Variants in SEMA6D observed in about 807,000 individuals in gnomAD.
SEMA6D encodes the protein semaphorin 6D.
SEMA6D carries 35 observed loss-of-function variants against 106.6 expected under a neutral mutation model. The ratio of observed to expected loss-of-function variants is 0.33; its 90% confidence interval spans 0.25 to 0.44. SEMA6D has a LOEUF of 0.44. Among genes scored for constraint, SEMA6D ranks in the 20% least tolerant of loss-of-function variants. SEMA6D has a pLI of 1.00. For missense variants in SEMA6D, 1,185 were observed against 1,345.9 expected (o/e 0.88, Z 1.87); for synonymous variants, 499 against 487.7 (o/e 1.02, Z -0.31).
At chr15:47,324,401 C>T (rs1306157200) in intron 1 of SEMA6D, among the ~76,000 whole-genome samples, 6 of 151,906 alleles carry the variant, frequency 3.9e-5, no homozygotes, top group Admixed American at 3.9e-4. Context: ...TTTAAGATGC[C>T]ATGTCAGAAA....
At chr15:47,552,853 A>AAT (rs1270860513) in intron 3 of SEMA6D, among the ~76,000 whole-genome samples, 9 of 66,890 alleles carry the variant, frequency 1.3e-4, no homozygotes, top group Admixed American at 2.3e-4. Context: ...AATATATATA[A>AAT]ATATATATAT....
intron 1 of SEMA6D, among the ~76,000 whole-genome samples, chr15:47,203,834 A>G (rs917267598): frequency 4.6e-5 from 7 of 152,258 alleles, no homozygotes; most frequent in African/African-American, 1.4e-4. Context: ...GAAAATCCAC[A>G]CATTCCTATT....
chr15:47,606,249 A>G (rs1260894456), intron 4 of SEMA6D: 1 of 152,204 alleles, frequency 6.6e-6, no homozygotes. Context: ...CTTGGAGACC[A>G]GTCCTTACAT....
intron 3 of SEMA6D, among the ~76,000 whole-genome samples, chr15:47,566,973 G>C (rs1343413315): frequency 6.6e-6 from 1 of 152,206 alleles, no homozygotes; most frequent in Non-Finnish European, 1.5e-5. Context: ...CTTTGGACAA[G>C]GCATGAAAAT....
At chr15:47,293,040 A>G (rs2035655857) in intron 1 of SEMA6D, among the ~76,000 whole-genome samples, 3 of 152,196 alleles carry the variant, frequency 2.0e-5, no homozygotes, top group African/African-American at 7.2e-5. Context: ...TACTGAATCC[A>G]ATATTGGAGT....
At chr15:47,739,555 T>C (rs1483654249) in intron 1 of SEMA6D, among the ~76,000 whole-genome samples, 1 of 152,212 alleles carries the variant, frequency 6.6e-6, no homozygotes, top group African/African-American at 2.4e-5. Flanking sequence ...TCAAGAAGAA[T>C]AATGACATTA....
At chr15:47,745,075 T>G (rs2081050685) in intron 1 of SEMA6D, among the ~76,000 whole-genome samples, 1 of 152,184 alleles carries the variant, frequency 6.6e-6, no homozygotes, top group Non-Finnish European at 1.5e-5. Context: ...TGGGATAAGA[T>G]TAACATCCCC....
chr15:47,704,035 A>G (rs74966450), intron 4 of SEMA6D, among the ~76,000 whole-genome samples: 4,000 of 152,328 alleles, frequency 0.026, 150 homozygotes, highest in African/African-American at 0.092. Context: ...ACACATACAT[A>G]TGCGCTCATA....
chr15:47,569,175 C>T (rs75285729), intron 3 of SEMA6D, among the ~76,000 whole-genome samples: 2,813 of 152,228 alleles, frequency 0.018, 94 homozygotes, highest in African/African-American at 0.065. Context: ...TACCTTTTCA[C>T]CTGTTACATT....
At chr15:47,418,427 G>A (rs750988041) in intron 2 of SEMA6D, among the ~76,000 whole-genome samples, 8 of 152,046 alleles carry the variant, frequency 5.3e-5, no homozygotes, top group Admixed American at 2.0e-4. Context: ...CAAGATCAAG[G>A]CATCAGCAAA....
intron 1 of SEMA6D, among the ~76,000 whole-genome samples, chr15:47,331,540 T>C (rs570089677): frequency 2.6e-5 from 4 of 152,286 alleles, no homozygotes; most frequent in African/African-American, 9.6e-5. Flanking sequence ...CTATAAAATA[T>C]ATACAGTGTT....
At chr15:47,741,748 G>A (rs933116659) in intron 1 of SEMA6D, among the ~76,000 whole-genome samples, 1 of 152,094 alleles carries the variant, frequency 6.6e-6, no homozygotes, top group Non-Finnish European at 1.5e-5. Flanking sequence ...AAAATAAGAA[G>A]GTTAGCAAGC....
chr15:47,635,636 T>C (rs535828671), intron 4 of SEMA6D, among the ~76,000 whole-genome samples: 1 of 152,332 alleles, frequency 6.6e-6, no homozygotes, highest in African/African-American at 2.4e-5. Context: ...GACTTTAACC[T>C]GTGTTGTCTG....
Position 47,550,888 on chromosome 15 carries a change from C to T in SEMA6D, c.-86-49977C>T, listed in dbSNP as rs141033294. ...AACATCCCCAACTTGGGGCAAAATT[C>T]GATGTGGGAGAAAATGTAAAAGTAA... On this transcript the variant is annotated intron_variant, in intron 3 of 19. Coordinates refer to the SEMA6D transcript ENST00000558014. Among the ~76,000 whole-genome samples, 394 of 152,152 alleles carry T rather than the reference C, an allele frequency of 2.6e-3. 1 individual carries two copies. Among genetic ancestry groups the T allele is most frequent in the Non-Finnish European group, 4.0e-3 (269 of 68,010 alleles).
intron 1 of SEMA6D, among the ~76,000 whole-genome samples, chr15:47,398,575 C>G (rs61998567): frequency 6.6e-6 from 1 of 152,076 alleles, no homozygotes; most frequent in Non-Finnish European, 1.5e-5. Flanking sequence ...CTCCCTGTGC[C>G]CCTGAGGATT....
intron 3 of SEMA6D, among the ~76,000 whole-genome samples, chr15:47,530,721 A>G (rs991561371): frequency 6.6e-6 from 1 of 152,294 alleles, no homozygotes; most frequent in Admixed American, 6.5e-5. Flanking sequence ...TTTGTAGGAG[A>G]TGTATAGAGA....
At chr15:47,768,807 C>T (rs1567116038) in intron 18 of SEMA6D, 59 bp downstream of exon 18, 6 of 1,521,098 alleles carry the variant, frequency 3.9e-6, no homozygotes, top group East Asian at 4.5e-5. Flanking sequence ...CTTAATGTCA[C>T]TGAGGAGTAT....
chr15:47,301,585 G>A (rs112866939), intron 1 of SEMA6D, among the ~76,000 whole-genome samples: 180 of 152,338 alleles, frequency 1.2e-3, no homozygotes, highest in African/African-American at 4.2e-3. Context: ...TTTGAGTGTT[G>A]CTGCTCACCT....
intron 18 of SEMA6D, 56 bp from the exon 19 acceptor site, chr15:47,770,441 T>G: frequency 1.4e-6 from 2 of 1,421,882 alleles, no homozygotes; most frequent in Non-Finnish European, 1.9e-6. Flanking sequence ...CCATTTGCTA[T>G]TTATTATTAT....
Sources: allele counts gnomAD v4.1 joint callset (sites outside exome capture counted in the v4.1 genomes callset), GRCh38; gene constraint gnomAD v4.1.1; transcripts MANE v1.5; gene names NCBI Gene and HGNC (gene_info 2026-07-23, HGNC 2026-07-21).